UGT2A3: variants seen among roughly 807,000 people sequenced by gnomAD.
UGT2A3 encodes the protein UDP glucuronosyltransferase family 2 member A3.
A neutral mutation model predicts 44.1 loss-of-function variants in UGT2A3; 55 were observed. The ratio of observed to expected loss-of-function variants is 1.25; its 90% CI spans 1.00 to 1.56. The LOEUF (loss-of-function observed/expected upper bound fraction) is 1.56, where lower values mean the gene tolerates loss of function less well. Ranked by LOEUF, UGT2A3 falls within the 40% of genes most tolerant of loss-of-function variation. The pLI, the probability that UGT2A3 is intolerant of heterozygous loss-of-function variation, is 0.00. For missense variants in UGT2A3, 733 were observed against 621.6 expected (o/e 1.18, Z -1.91); for synonymous variants, 243 against 215.1 (o/e 1.13, Z -1.13).
chr4:68,946,268 C>T (rs1029155394), intron 1 of UGT2A3, among the ~76,000 whole-genome samples: 2 of 151,654 alleles, frequency 1.3e-5, no homozygotes, highest in African/African-American at 4.8e-5. Flanking sequence ...AAGATAAACT[C>T]CATAAGAGAA....
chr4:68,950,560 C>T (rs1379816), intron 1 of UGT2A3, among the ~76,000 whole-genome samples: 110,630 of 151,646 alleles, frequency 0.73, 41,984 homozygotes, highest in Non-Finnish European at 0.86. Context: ...GACCGTAAGT[C>T]TTTTAACTTT....
At chr4:68,946,274 G>A (rs1479413048) in intron 1 of UGT2A3, among the ~76,000 whole-genome samples, 2 of 151,634 alleles carry the variant, frequency 1.3e-5, no homozygotes, top group African/African-American at 4.8e-5. Context: ...AACTCCATAA[G>A]AGAATTTGTT....
At chr4:68,931,287 T>TC (rs756143888) in intron 3 of UGT2A3, 45 bp from the exon 4 acceptor site, 6 of 1,448,518 alleles carry the variant, frequency 4.1e-6, no homozygotes, top group Admixed American at 1.7e-5. Flanking sequence ...CCACAGGATA[T>TC]TAGCATTCTA....
At chr4:68,942,377 T>A (rs13148179) in intron 2 of UGT2A3, among the ~76,000 whole-genome samples, 1 of 148,072 alleles carries the variant, frequency 6.8e-6, no homozygotes, top group African/African-American at 2.5e-5. Context: ...ATGTATATTG[T>A]GTGTGTTTAT....
At chr4:68,948,010 C>T (rs1174991007) in intron 1 of UGT2A3, among the ~76,000 whole-genome samples, 1 of 151,762 alleles carries the variant, frequency 6.6e-6, no homozygotes. Flanking sequence ...TTGGCTTTAC[C>T]TTTGTCATCA....
Position 68,932,690 on chromosome 4 carries a change from G to C in UGT2A3, c.934C>G (p.Gln312Glu). Reference protein sequence around the residue: ...IVVFSLGSLFQNVTEEKANII... With the variant: ...IVVFSLGSLFENVTEEKANII... ...TTAGCCTTTTCTTCTGTAACATTTT[G>C]AAACAGTGACCCCAGAGAAAACACC... is the stretch of plus-strand genomic sequence containing the variant. The change falls in exon 3 of 6, where the codon CAA becomes GAA. Residue 312 changes from glutamine to glutamate, a missense_variant. Gln to Glu is a conservative substitution (Grantham distance 29). Transcript: ENST00000251566. 1 of 1,612,018 alleles carries C rather than the reference G, an allele frequency of 6.2e-7. No homozygotes were observed. The highest frequency in any genetic ancestry group is 8.5e-7 in the Non-Finnish European group (1 of 1,178,828).
intron 2 of UGT2A3, among the ~76,000 whole-genome samples, chr4:68,937,920 A>G (rs1161430819): frequency 6.6e-6 from 1 of 152,198 alleles, no homozygotes; most frequent in African/African-American, 2.4e-5. Context: ...CCGTCAGAGA[A>G]TATTATAAAC....
chr4:68,943,961 C>T (rs574339096), intron 2 of UGT2A3, among the ~76,000 whole-genome samples: 2 of 151,948 alleles, frequency 1.3e-5, no homozygotes, highest in East Asian at 1.9e-4. Context: ...AACATTTTGG[C>T]ACATAGATCC....
chr4:68,937,572 G>C (rs1271933690), intron 2 of UGT2A3, among the ~76,000 whole-genome samples: 1 of 152,008 alleles, frequency 6.6e-6, no homozygotes, highest in Non-Finnish European at 1.5e-5. Flanking sequence ...GTGTGTAAAG[G>C]GAAATTTATA....
At position 68,930,811 on chromosome 4, in the gene UGT2A3, A is replaced by G. The variant is rs1052150901; in HGVS notation, c.1085-46T>C. On this transcript the variant is annotated intron_variant, in intron 4 of 5. Coordinates refer to ENST00000251566, the MANE Select transcript of UGT2A3 (RefSeq NM_024743.4). ...GAAATGGTGAGATATTTTATTCTAA[A>G]CTTTTAAAATTATTTAAAGACTACA... 14 of 1,458,778 alleles carry G rather than the reference A, an allele frequency of 9.6e-6. No individual in the cohort carries two copies. The Admixed American group carries it at 1.9e-4, about 20-fold the overall frequency. The allele number at this position is 1,458,778 out of a possible 1,614,324, so 90.4% of individuals were successfully genotyped here. A position where few individuals can be genotyped will look rare whatever the true frequency, so the allele number is the denominator to read the frequency against.
chr4:68,949,400 C>A (rs1482640621), intron 1 of UGT2A3, among the ~76,000 whole-genome samples: 2 of 151,834 alleles, frequency 1.3e-5, no homozygotes, highest in Non-Finnish European at 2.9e-5. Flanking sequence ...TTAGTACATG[C>A]ACAACATTTA....
chr4:68,950,751 A>C (rs1458245), intron 1 of UGT2A3, among the ~76,000 whole-genome samples: 111,121 of 151,616 alleles, frequency 0.73, 42,239 homozygotes, highest in Non-Finnish European at 0.86. Flanking sequence ...AATTCTATAA[A>C]ATTCAGACTA....
At chr4:68,935,469 C>T (rs1344078115) in intron 2 of UGT2A3, among the ~76,000 whole-genome samples, 1 of 151,354 alleles carries the variant, frequency 6.6e-6, no homozygotes, top group African/African-American at 2.4e-5. Flanking sequence ...GCTGAGGGAC[C>T]TGGGTGTTAG....
chr4:68,935,266 A>ATGTATG (rs1280652467), intron 2 of UGT2A3, among the ~76,000 whole-genome samples: 10 of 13,340 alleles, frequency 7.5e-4, no homozygotes, highest in East Asian at 8.3e-3. Flanking sequence ...GTGTGTATGT[A>ATGTATG]TGTATGTATG....
chr4:68,947,753 T>A (rs553642530), intron 1 of UGT2A3, among the ~76,000 whole-genome samples: 30 of 151,964 alleles, frequency 2.0e-4, no homozygotes, highest in Non-Finnish European at 4.0e-4. Context: ...CAAACATTAA[T>A]ATCTGTACAT....
intron 4 of UGT2A3, 35 bp from the exon 5 acceptor site, chr4:68,930,800 T>C: frequency 6.7e-7 from 1 of 1,497,488 alleles, no homozygotes; most frequent in South Asian, 1.3e-5. Flanking sequence ...TGGTGAGATA[T>C]TTTATTCTAA....
chr4:68,935,276 G>GTGTATATATATA (rs1474937828), intron 2 of UGT2A3, among the ~76,000 whole-genome samples: 1 of 60,138 alleles, frequency 1.7e-5, no homozygotes, highest in African/African-American at 5.2e-5. Context: ...ATGTATGTAT[G>GTGTATATATATA]TATATATATA....
At chr4:68,943,970 C>T (rs951283463) in intron 2 of UGT2A3, among the ~76,000 whole-genome samples, 5 of 151,790 alleles carry the variant, frequency 3.3e-5, no homozygotes, top group African/African-American at 1.2e-4. Flanking sequence ...GCACATAGAT[C>T]CCTCACTCTC....
chr4:68,936,888 CAAAAAAAAAAAAA>C (rs56737078), intron 2 of UGT2A3, among the ~76,000 whole-genome samples: 3 of 46,326 alleles, frequency 6.5e-5, no homozygotes, highest in Non-Finnish European at 1.1e-4. Context: ...AAATGGAAAG[CAAAAAAAAAAAAA>C]AAAAAAAAGC....
Sources: allele counts gnomAD v4.1 joint callset (sites outside exome capture counted in the v4.1 genomes callset), GRCh38; gene constraint gnomAD v4.1.1; transcripts MANE v1.5; gene names NCBI Gene and HGNC (gene_info 2026-07-23, HGNC 2026-07-21).